IL18RAP: variants seen among roughly 807,000 people sequenced by gnomAD.
The protein encoded by IL18RAP is interleukin-18 receptor accessory protein.
IL18RAP carries 37 observed loss-of-function variants against 58.1 expected under a neutral mutation model. The observed-to-expected ratio is 0.64, with a 90% CI of 0.49 to 0.84. The LOEUF is 0.84. IL18RAP is among the 40% of genes least tolerant of loss of function. The probability of loss-of-function intolerance (pLI) is 0.00; values close to 1 mark genes in which losing one functional copy is unlikely to be tolerated. For synonymous variants in IL18RAP, 268 were observed against 257.5 expected, an observed-to-expected ratio of 1.04 and a Z score of -0.39; for missense variants, 667 against 704.8, an observed-to-expected ratio of 0.95 and a Z score of 0.61.
chr2:102,424,804 GAA>G (rs1301293124), intron 3 of IL18RAP, among the ~76,000 whole-genome samples: 1 of 152,220 alleles, frequency 6.6e-6, no homozygotes, highest in East Asian at 1.9e-4. Flanking sequence ...AAGGGTTTGT[GAA>G]AGTTACAGGA....
At chr2:102,434,822 CAAT>C (rs1682625039) in intron 3 of IL18RAP, 1 of 152,172 alleles carries the variant, frequency 6.6e-6, no homozygotes, top group African/African-American at 2.4e-5. Flanking sequence ...TTGTGGGCAA[CAAT>C]GAGATTGCCT....
chr2:102,446,973 G>A, intron 7 of IL18RAP, 97 bp from the exon 8 acceptor site: 2 of 1,275,588 alleles, frequency 1.6e-6, no homozygotes, highest in Non-Finnish European at 2.2e-6. Flanking sequence ...TAATAGAGCT[G>A]GAAAAGGTGC....
chr2:102,433,793 G>A (rs557805122), intron 3 of IL18RAP, among the ~76,000 whole-genome samples: 2 of 152,004 alleles, frequency 1.3e-5, no homozygotes, highest in African/African-American at 2.4e-5. Context: ...TGATCCACCT[G>A]CCTCGGCCTC....
intron 5 of IL18RAP, among the ~76,000 whole-genome samples, chr2:102,442,983 G>A (rs918214343): frequency 6.6e-6 from 1 of 152,130 alleles, no homozygotes; most frequent in African/African-American, 2.4e-5. Flanking sequence ...TAGTCATATG[G>A]TTGAGATAGA....
upstream of IL18RAP, chr2:102,419,846 G>A (rs1681459615): frequency 6.6e-6 from 1 of 152,208 alleles, no homozygotes; most frequent in African/African-American, 2.4e-5. Flanking sequence ...AGCAATGTGA[G>A]CCTTGGTTGT....
chr2:102,441,202 G>A, intron 4 of IL18RAP, 110 bp from the exon 5 acceptor site: 1 of 767,750 alleles, frequency 1.3e-6, no homozygotes, highest in Non-Finnish European at 2.2e-6. Flanking sequence ...AAAATGTGAA[G>A]ACAGAGCTCC....
At chr2:102,424,209 C>T in intron 2 of IL18RAP, 22 bp from the exon 3 acceptor site, 1 of 1,612,360 alleles carries the variant, frequency 6.2e-7, no homozygotes, top group Non-Finnish European at 8.5e-7. Flanking sequence ...TCTATGTTCA[C>T]AGGATCTTGT....
At chr2:102,448,296 T>TA (rs1683554571) in intron 8 of IL18RAP, among the ~76,000 whole-genome samples, 1 of 152,214 alleles carries the variant, frequency 6.6e-6, no homozygotes, top group Admixed American at 6.5e-5. Flanking sequence ...TAGCCTCATC[T>TA]GTAAAATGAG....
At chr2:102,443,584 T>A (rs1404243955) in intron 6 of IL18RAP, among the ~76,000 whole-genome samples, 1 of 152,156 alleles carries the variant, frequency 6.6e-6, no homozygotes, top group African/African-American at 2.4e-5. Flanking sequence ...CCAGACTGCT[T>A]GGAGATAAGT....
chr2:102,432,705 C>A (rs573373060), intron 3 of IL18RAP, among the ~76,000 whole-genome samples: 3 of 152,322 alleles, frequency 2.0e-5, no homozygotes, highest in East Asian at 3.9e-4. Flanking sequence ...CTGCAGATAA[C>A]TGCTGACCTG....
rs571489202 is a variant in IL18RAP at position 102,430,595 on chromosome 2, A to G, written c.579+6181A>G. Among the ~76,000 whole-genome samples, 8 of 151,662 alleles carry G rather than the reference A, an allele frequency of 5.3e-5. No homozygotes were observed. The South Asian group carries it at 1.7e-3, about 32-fold the overall frequency. The stretch of plus-strand genomic sequence containing the variant: ...ACAGGCTGTTGCCATTTTGTAACTT[A>G]TTTTCTGTGTGTTTTGTAGGTTTTT... On this transcript the variant is annotated intron_variant, in intron 3 of 9. Transcript: ENST00000687160.
At chr2:102,442,835 C>T (rs571748662) in intron 5 of IL18RAP, among the ~76,000 whole-genome samples, 38 of 152,128 alleles carry the variant, frequency 2.5e-4, no homozygotes, top group Non-Finnish European at 4.1e-4. Context: ...TATGGACACA[C>T]CTTGTACTTC....
intron 5 of IL18RAP, among the ~76,000 whole-genome samples, chr2:102,442,700 C>T (rs1193906050): frequency 6.6e-6 from 1 of 151,960 alleles, no homozygotes; most frequent in Non-Finnish European, 1.5e-5. Flanking sequence ...ATATGCATGC[C>T]CATCCATAGT....
intron 3 of IL18RAP, among the ~76,000 whole-genome samples, chr2:102,433,482 C>G (rs1341101265): frequency 1.3e-5 from 2 of 152,008 alleles, no homozygotes; most frequent in African/African-American, 4.8e-5. Context: ...CCTTGGCCTT[C>G]CAAAGTGCTG....
At chr2:102,422,287 G>A (rs1681623959), upstream of IL18RAP, among the ~76,000 whole-genome samples, 1 of 152,204 alleles carries the variant, frequency 6.6e-6, no homozygotes, top group Non-Finnish European at 1.5e-5. Flanking sequence ...GATTGCCAAG[G>A]TGGTCTCTCT....
At chr2:102,443,160 C>G (rs1212096304) in intron 5 of IL18RAP, 40 bp from the exon 6 acceptor site, 3 of 1,590,038 alleles carry the variant, frequency 1.9e-6, no homozygotes, top group Non-Finnish European at 2.6e-6. Context: ...AGTATTCTCA[C>G]CAGCTTCCTT....
At chr2:102,442,055 A>G (rs1034711608) in intron 5 of IL18RAP, among the ~76,000 whole-genome samples, 2 of 152,190 alleles carry the variant, frequency 1.3e-5, no homozygotes, top group African/African-American at 4.8e-5. Flanking sequence ...CGCCAACCTG[A>G]GTAACATTAA....
intron 8 of IL18RAP, among the ~76,000 whole-genome samples, chr2:102,449,915 T>C (rs967609149): frequency 6.6e-6 from 1 of 152,176 alleles, no homozygotes; most frequent in African/African-American, 2.4e-5. Flanking sequence ...CTCAGCTCTT[T>C]TATATCCTCC....
chr2:102,441,480 G>T, intron 5 of IL18RAP, 103 bp downstream of exon 5: 2 of 891,286 alleles, frequency 2.2e-6, no homozygotes, highest in Non-Finnish European at 3.6e-6. Flanking sequence ...AAACAGAATT[G>T]GGTGTGAATC....
Sources: allele counts gnomAD v4.1 joint callset (sites outside exome capture counted in the v4.1 genomes callset), GRCh38; gene constraint gnomAD v4.1.1; transcripts MANE v1.5; gene names NCBI Gene and HGNC (gene_info 2026-07-23, HGNC 2026-07-21).